Variants in SV2B observed in about 807,000 individuals in gnomAD.
The protein encoded by SV2B is synaptic vesicle glycoprotein 2B, also known as solute carrier family 22 member B2.
In SV2B, 41 loss-of-function variants were observed where a neutral mutation model predicts 73.9. The observed-to-expected ratio is 0.56, with a 90% CI of 0.43 to 0.72. SV2B has a LOEUF of 0.72. Ranked by LOEUF, SV2B falls within the 30% of genes least tolerant of loss-of-function variation. The pLI is 0.00. For missense variants in SV2B, 764 were observed against 857.8 expected (o/e 0.89, Z 1.37); for synonymous variants, 314 against 314.2 (o/e 1.00, Z 0.01).
chr15:91,149,620 G>A (rs2043249808), intron 1 of SV2B, among the ~76,000 whole-genome samples: 1 of 152,134 alleles, frequency 6.6e-6, no homozygotes, highest in South Asian at 2.1e-4. Context: ...TCTTGGACAT[G>A]GTTTGGCACT....
At chr15:91,102,516 G>A (rs183470962) in intron 1 of SV2B, among the ~76,000 whole-genome samples, 35 of 152,324 alleles carry the variant, frequency 2.3e-4, no homozygotes, top group African/African-American at 4.8e-4. Flanking sequence ...CATTCATTAA[G>A]TTCCTACTAT....
intron 4 of SV2B, among the ~76,000 whole-genome samples, chr15:91,257,789 C>G (rs982557629): frequency 6.6e-6 from 1 of 152,172 alleles, no homozygotes; most frequent in Non-Finnish European, 1.5e-5. Context: ...GCCTTGACCC[C>G]CATCCCCATC....
At chr15:91,161,858 T>C (rs1307058793) in intron 1 of SV2B, among the ~76,000 whole-genome samples, 1 of 152,216 alleles carries the variant, frequency 6.6e-6, no homozygotes, top group African/African-American at 2.4e-5. Flanking sequence ...CAAAGTACTC[T>C]GTGTGTCTCT....
chr15:91,134,267 G>C (rs1263364842), intron 1 of SV2B, among the ~76,000 whole-genome samples: 1 of 152,020 alleles, frequency 6.6e-6, no homozygotes, highest in Non-Finnish European at 1.5e-5. Flanking sequence ...CAAAGTGCTG[G>C]GATTACAGGC....
At position 91,290,454 on chromosome 15, in the gene SV2B, C is replaced by A. The variant is rs953906853; in HGVS notation, c.1868+774C>A. 6.6e-6 allele frequency among the ~76,000 whole-genome samples: 1 copy of A among 151,954 alleles called. No homozygotes were observed. Among genetic ancestry groups the A allele is most frequent in the South Asian group, 2.1e-4 (1 of 4,814 alleles). On this transcript the variant is annotated intron_variant, in intron 12 of 12. Transcript: ENST00000394232. This position sits in a 1 kb window ranked among gnomAD's most constrained non-coding sequence, Gnocchi z 4.7. ...AGTTTTACACAAAATAACAGGAGGA[C>A]AAATGATTATTATTTGAATATGATG...
Position 91,158,700 on chromosome 15 carries a change from T to TTCCCTTCCCTTCCCTTCC in SV2B, c.-392+58337_-392+58338insTCCCTTCCCTTCCCTTCC, listed in dbSNP as rs2043591646. The stretch of plus-strand genomic sequence containing the variant: ...TCTTCTCTTCTCTTCTCTTCTCTTC[T>TTCCCTTCCCTTCCCTTCC]CTCCTCTCCTCTCCTCTCCTCTCCT... On this transcript the variant is annotated intron_variant, in intron 1 of 12. Transcript: ENST00000394232. 7.6e-5 allele frequency among the ~76,000 whole-genome samples: 4 copies of TTCCCTTCCCTTCCCTTCC among 52,480 alleles called. 1 individual carries two copies. The highest frequency in any genetic ancestry group is 2.3e-4 in the African/African-American group (4 of 17,390). The allele number at this position is 52,480 out of a possible 152,430, so 34.4% of individuals were successfully genotyped here. A position where few individuals can be genotyped will look rare whatever the true frequency, so the allele number is the denominator to read the frequency against.
intron 1 of SV2B, among the ~76,000 whole-genome samples, chr15:91,205,239 G>T (rs371173672): frequency 3.3e-5 from 5 of 152,240 alleles, no homozygotes; most frequent in African/African-American, 1.2e-4. Flanking sequence ...GTTTATTCAA[G>T]CGTGAAGTGT....
chr15:91,203,964 C>G lies in SV2B; in HGVS notation c.-391-21909C>G, dbSNP rs537462018. ...AAACCTTCTTGCCTAGGTTCTCAAT[C>G]AGGTCCATTTATGCAAATGAAGGAT... On this transcript the variant is annotated intron_variant, in intron 1 of 12. Coordinates refer to ENST00000394232, the MANE Select transcript of SV2B (RefSeq NM_001323032.3). Among the ~76,000 whole-genome samples, 8 of 152,322 alleles carry G rather than the reference C, an allele frequency of 5.3e-5. No individual in the cohort carries two copies. The Middle Eastern group carries it at 0.01, about 196-fold the overall frequency.
At chr15:91,133,981 C>T (rs531017092) in intron 1 of SV2B, among the ~76,000 whole-genome samples, 1 of 145,928 alleles carries the variant, frequency 6.9e-6, no homozygotes, top group East Asian at 2.0e-4. Flanking sequence ...TCCTCCCATG[C>T]CTCTTCACCA....
chr15:91,242,393 A>G lies in SV2B; in HGVS notation c.452-9426A>G, dbSNP rs2047054791. On this transcript the variant is annotated intron_variant, in intron 2 of 12. Coordinates refer to ENST00000394232, the MANE Select transcript of SV2B (RefSeq NM_001323032.3). The surrounding 1 kb of genome is among the most constrained non-coding windows in gnomAD (Gnocchi z 4.9). ...ATCCAGAATCCAGCCACTTCTTACC[A>G]CTTTCCTCTACCTACCAACCTGGCC... is the stretch of plus-strand genomic sequence containing the variant. Among the ~76,000 whole-genome samples the G allele has an allele frequency of 6.6e-6, 1 of 151,934 alleles. No homozygotes were observed. Among genetic ancestry groups the G allele is most frequent in the Non-Finnish European group, 1.5e-5 (1 of 67,978 alleles).
Position 91,226,259 on chromosome 15 carries a change from A to C in SV2B, c.-5A>C. The C allele has an allele frequency of 6.2e-7, 1 of 1,614,040 alleles. No individual in the cohort carries two copies. The highest frequency in any genetic ancestry group is 1.1e-5 in the South Asian group (1 of 91,034). On this transcript the variant is annotated 5_prime_UTR_variant, in exon 2 of 13. Coordinates refer to ENST00000394232, the MANE Select transcript of SV2B (RefSeq NM_001323032.3). ...GGGGCAACCAGGCAGTCGCAGAACC[A>C]AGGAATGGATGACTACAAGTATCAG...
rs2046188622 is a variant in SV2B at position 91,220,874 on chromosome 15, T to A, written c.-391-4999T>A. On this transcript the variant is annotated intron_variant, in intron 1 of 12. Transcript: ENST00000394232. The surrounding 1 kb of genome is among the most constrained non-coding windows in gnomAD (Gnocchi z 4.1). ...ATGTTTATTATTTTATTTTATTTTA[T>A]TTTTTTGAGACAGGGGTCTCTCTCT... is the stretch of plus-strand genomic sequence containing the variant. Among the ~76,000 whole-genome samples, 1 of 136,756 alleles carries A rather than the reference T, an allele frequency of 7.3e-6. No homozygotes were observed. Among genetic ancestry groups the A allele is most frequent in the Admixed American group, 6.8e-5 (1 of 14,672 alleles). 89.7% of individuals were successfully genotyped at this position (136,756 alleles called of 152,430 possible).
At chr15:91,158,737 T>TCCTC in intron 1 of SV2B, among the ~76,000 whole-genome samples, 2 of 109,136 alleles carry the variant, frequency 1.8e-5, no homozygotes, top group Non-Finnish European at 3.9e-5. Context: ...TCTTCTCCTC[T>TCCTC]TTTTTCTCTC....
chr15:91,229,423 G>C lies in SV2B; in HGVS notation c.451+2709G>C, dbSNP rs76323910. Among the ~76,000 whole-genome samples, 1 of 152,110 alleles carries C rather than the reference G, an allele frequency of 6.6e-6. No individual in the cohort carries two copies. Among genetic ancestry groups the C allele is most frequent in the East Asian group, 1.9e-4 (1 of 5,180 alleles). On this transcript the variant is annotated intron_variant, in intron 2 of 12. Coordinates refer to ENST00000394232, the MANE Select transcript of SV2B (RefSeq NM_001323032.3). This position sits in a 1 kb window ranked among gnomAD's most constrained non-coding sequence, Gnocchi z 4.3. ...GCCCTCTCAACAATGATTAGTTCTC[G>C]TTACTTTATATTCTGCCATTCTCCC...
Position 91,131,012 on chromosome 15 carries a change from G to A in SV2B, c.-392+30649G>A, listed in dbSNP as rs941158380. Reference sequence around the variant, plus strand: ...GTTAGCCTTAGAAAAGGGTAGCTACGCTGTGGAGGGAGAGGAGGAGAAGGG... The same window carrying A: ...GTTAGCCTTAGAAAAGGGTAGCTACACTGTGGAGGGAGAGGAGGAGAAGGG... On this transcript the variant is annotated intron_variant, in intron 1 of 12. Transcript: ENST00000394232. 2.0e-5 allele frequency among the ~76,000 whole-genome samples: 3 copies of A among 151,964 alleles called. No homozygotes were observed. The South Asian group carries it at 6.2e-4, about 32-fold the overall frequency.
At position 91,122,174 on chromosome 15, in the gene SV2B, C is replaced by T. The variant is rs1164216968; in HGVS notation, c.-392+21811C>T. The stretch of plus-strand genomic sequence containing the variant: ...CTAAACCATCTCCTCTTTGGACTCC[C>T]ACTATCTCAGCTACTAGAAATGTAT... On this transcript the variant is annotated intron_variant, in intron 1 of 12. Coordinates refer to ENST00000394232, the MANE Select transcript of SV2B (RefSeq NM_001323032.3). This position sits in a 1 kb window ranked among gnomAD's most constrained non-coding sequence, Gnocchi z 4.3. Among the ~76,000 whole-genome samples, 2 of 152,208 alleles carry T rather than the reference C, an allele frequency of 1.3e-5. No homozygotes were observed. Among genetic ancestry groups the T allele is most frequent in the Non-Finnish European group, 2.9e-5 (2 of 68,046 alleles).
At position 91,232,620 on chromosome 15, in the gene SV2B, TG is replaced by T. The variant is rs2046622398; in HGVS notation, c.451+5908del. Among the ~76,000 whole-genome samples the T allele has an allele frequency of 6.6e-6, 1 of 152,234 alleles. No individual in the cohort carries two copies. The highest frequency in any genetic ancestry group is 2.1e-4 in the South Asian group (1 of 4,830). On this transcript the variant is annotated intron_variant, in intron 2 of 12. Transcript: ENST00000394232. This position sits in a 1 kb window ranked among gnomAD's most constrained non-coding sequence, Gnocchi z 4.7. ...TTGTCTGAATTGGTTCTGGGGTTTC[TG>T]GAATTGGCTTTCTAATCTGATTAGA...
chr15:91,255,305 G>A (rs946925911), intron 4 of SV2B, among the ~76,000 whole-genome samples: 3 of 152,222 alleles, frequency 2.0e-5, no homozygotes, highest in Non-Finnish European at 4.4e-5. Flanking sequence ...CGGGCTGACA[G>A]CAGGGCTTGT....
At chr15:91,148,518 A>G (rs1596477615) in intron 1 of SV2B, among the ~76,000 whole-genome samples, 1 of 152,160 alleles carries the variant, frequency 6.6e-6, no homozygotes, top group African/African-American at 2.4e-5. Flanking sequence ...GGGCTTCAAA[A>G]GCAAGTGGTT....
Sources: gnomAD v4.1 joint callset for allele counts (sites outside exome capture counted in the v4.1 genomes callset) on GRCh38, gnomAD v4.1.1 for gene constraint, Gnocchi (gnomAD v3.1) non-coding constraint, MANE v1.5 for transcripts, NCBI Gene and HGNC (gene_info 2026-07-23, HGNC 2026-07-21) for gene names.